CLMN: variants seen among roughly 807,000 people sequenced by gnomAD.
The protein encoded by CLMN is calmin.
A neutral mutation model predicts 92.7 loss-of-function variants in CLMN; 57 were observed. That is an observed-to-expected ratio of 0.61 (90% CI 0.50 to 0.77). The LOEUF is 0.77. Among genes scored for constraint, CLMN ranks in the 30% least tolerant of loss-of-function variants. The probability of loss-of-function intolerance (pLI) is 0.00; values close to 1 mark genes in which losing one functional copy is unlikely to be tolerated. For synonymous variants in CLMN, 466 were observed against 470.6 expected, an observed-to-expected ratio of 0.99 and a Z score of 0.13; for missense variants, 1,158 against 1,237.5, an observed-to-expected ratio of 0.94 and a Z score of 0.96.
At chr14:95,199,564 C>T (rs1313706494) in intron 9 of CLMN, among the ~76,000 whole-genome samples, 1 of 152,134 alleles carries the variant, frequency 6.6e-6, no homozygotes, top group East Asian at 1.9e-4. Context: ...ACTGGCAGGC[C>T]CTGTCAGGCA....
intron 1 of CLMN, among the ~76,000 whole-genome samples, chr14:95,315,666 G>A (rs974648104): frequency 2.6e-5 from 4 of 152,142 alleles, no homozygotes; most frequent in African/African-American, 4.8e-5. Flanking sequence ...CAGAACCTAC[G>A]CAGTCAAGTT....
In CLMN at chr14:95,256,486, C is replaced by T. The variant is rs1899003506; in HGVS notation, c.83-26353G>A. ...TGAACACGTTTTGACACAGTTTGCT[C>T]CCTGTGAAGGAGCTGGCCTCCTGGA... On this transcript the variant is annotated intron_variant, in intron 1 of 12. Transcript: ENST00000298912. The surrounding 1 kb of genome is among the most constrained non-coding windows in gnomAD (Gnocchi z 4.9). Among the ~76,000 whole-genome samples, 1 of 152,198 alleles carries T rather than the reference C, an allele frequency of 6.6e-6. No homozygotes were observed. Among genetic ancestry groups the T allele is most frequent in the South Asian group, 2.1e-4 (1 of 4,832 alleles).
intron 6 of CLMN, 119 bp downstream of exon 6, chr14:95,213,100 T>C (rs193240455): frequency 1.8e-6 from 2 of 1,126,692 alleles, no homozygotes; most frequent in African/African-American, 3.1e-5. Context: ...GTTCTGATAT[T>C]CTATATGAAG....
intron 1 of CLMN, among the ~76,000 whole-genome samples, chr14:95,295,534 G>A (rs1043970566): frequency 3.9e-5 from 6 of 152,196 alleles, no homozygotes; most frequent in South Asian, 2.1e-4. Context: ...CAGTCTGCCC[G>A]GGGGTGGTGT....
chr14:95,225,356 C>T (rs1394793715), intron 2 of CLMN, among the ~76,000 whole-genome samples: 1 of 152,206 alleles, frequency 6.6e-6, no homozygotes, highest in African/African-American at 2.4e-5. Context: ...TGACCTTGCA[C>T]ACTTGCACAA....
intron 1 of CLMN, among the ~76,000 whole-genome samples, chr14:95,281,889 G>A (rs1341300860): frequency 6.6e-6 from 1 of 152,138 alleles, no homozygotes; most frequent in Non-Finnish European, 1.5e-5. Context: ...TACCAAGAAG[G>A]GCTGTACCAT....
intron 5 of CLMN, 68 bp downstream of exon 5, chr14:95,215,573 C>A (rs1408290035): frequency 7.2e-7 from 1 of 1,387,518 alleles, no homozygotes; most frequent in African/African-American, 1.4e-5. Context: ...TCTGGCCCCA[C>A]TCTCTTCTGT....
intron 1 of CLMN, among the ~76,000 whole-genome samples, chr14:95,245,232 T>C (rs1566891171): frequency 6.7e-4 from 24 of 35,830 alleles, no homozygotes; most frequent in African/African-American, 3.8e-3. Context: ...ATATTATATA[T>C]ATATATTATA....
chr14:95,233,199 T>C (rs941724901), intron 1 of CLMN, among the ~76,000 whole-genome samples: 1 of 152,344 alleles, frequency 6.6e-6, no homozygotes, highest in South Asian at 2.1e-4. Flanking sequence ...GAAACAGAAG[T>C]GCATTTAGTA....
intron 1 of CLMN, among the ~76,000 whole-genome samples, chr14:95,279,792 A>G (rs1900075282): frequency 6.6e-6 from 1 of 152,248 alleles, no homozygotes; most frequent in Admixed American, 6.5e-5. Flanking sequence ...CAAAAAACAA[A>G]ACAAAACAAA....
intron 1 of CLMN, among the ~76,000 whole-genome samples, chr14:95,272,501 C>A (rs551768523): frequency 1.6e-4 from 25 of 152,178 alleles, no homozygotes; most frequent in Non-Finnish European, 2.6e-4. Flanking sequence ...ATGCCAGGGG[C>A]CCGGAATCTC....
chr14:95,278,398 G>A (rs993441703), intron 1 of CLMN, among the ~76,000 whole-genome samples: 5 of 152,102 alleles, frequency 3.3e-5, no homozygotes, highest in African/African-American at 1.2e-4. Flanking sequence ...TTGGTGAACT[G>A]AGTCGTTTTT....
intron 1 of CLMN, among the ~76,000 whole-genome samples, chr14:95,316,720 C>G (rs1376009395): frequency 1.3e-5 from 2 of 152,166 alleles, no homozygotes; most frequent in Non-Finnish European, 2.9e-5. Flanking sequence ...AGATATAGCT[C>G]TATTATTAAA....
chr14:95,188,510 C>T lies in CLMN; in HGVS notation c.*3054G>A, dbSNP rs147490731. Reference sequence around the variant, plus strand: ...CCTGAAAGCAGATCAGAAACATAGACGAAAAATAGAAAAGATAAAAAATAT... The same window carrying T: ...CCTGAAAGCAGATCAGAAACATAGATGAAAAATAGAAAAGATAAAAAATAT... On this transcript the variant is annotated 3_prime_UTR_variant, in exon 13 of 13. Transcript: ENST00000298912. The T allele has an allele frequency of 4.6e-5, 7 of 151,960 alleles. No homozygotes were observed. Among genetic ancestry groups the T allele is most frequent in the Admixed American group, 3.3e-4 (5 of 15,282 alleles). The allele number at this position is 151,960 out of a possible 1,614,324, so 9.4% of individuals were successfully genotyped here. A position where few individuals can be genotyped will look rare whatever the true frequency, so the allele number is the denominator to read the frequency against.
Position 95,186,635 on chromosome 14 carries a change from G to A in CLMN, c.*4929C>T, listed in dbSNP as rs1459675973. ...GGTGGAGTAAAATAGCAGGATCATA[G>A]CTCACAGTAACCTCAAAGTCATGGG... On this transcript the variant is annotated 3_prime_UTR_variant, in exon 13 of 13. Transcript: ENST00000298912. 6.6e-6 allele frequency: 1 copy of A among 152,236 alleles called. No homozygotes were observed. The highest frequency in any genetic ancestry group is 2.4e-5 in the African/African-American group (1 of 41,446). 9.4% of individuals were successfully genotyped at this position (152,236 alleles called of 1,614,324 possible).
At chr14:95,305,061 C>G (rs556197084) in intron 1 of CLMN, among the ~76,000 whole-genome samples, 2 of 152,306 alleles carry the variant, frequency 1.3e-5, no homozygotes, top group East Asian at 1.9e-4. Flanking sequence ...GCCTCTAACA[C>G]GAAAGCTTCA....
intron 1 of CLMN, among the ~76,000 whole-genome samples, chr14:95,258,585 G>GGAGGGT (rs1899112093): frequency 6.7e-6 from 1 of 148,268 alleles, no homozygotes; most frequent in Non-Finnish European, 1.5e-5. Flanking sequence ...ATGTGTATGT[G>GGAGGGT]GTGTGTATGT....
At chr14:95,229,127 TA>T (rs1315571560) in intron 2 of CLMN, among the ~76,000 whole-genome samples, 2 of 152,230 alleles carry the variant, frequency 1.3e-5, no homozygotes, top group South Asian at 4.2e-4. Context: ...AGTGAGTAGA[TA>T]AAAAATCAAC....
chr14:95,218,662 C>T (rs532653175), intron 4 of CLMN, among the ~76,000 whole-genome samples: 68 of 152,316 alleles, frequency 4.5e-4, no homozygotes, highest in African/African-American at 9.6e-4. Context: ...GCATCTGAAA[C>T]GCTCGTTTCC....
Sources: gnomAD v4.1 joint callset for allele counts (sites outside exome capture counted in the v4.1 genomes callset) on GRCh38, gnomAD v4.1.1 for gene constraint, Gnocchi (gnomAD v3.1) non-coding constraint, MANE v1.5 for transcripts, NCBI Gene and HGNC (gene_info 2026-07-23, HGNC 2026-07-21) for gene names.